GPR158: variants seen among roughly 807,000 people sequenced by gnomAD.
GPR158 encodes G protein-coupled receptor 158.
A neutral mutation model predicts 78.2 loss-of-function variants in GPR158; 30 were observed. The observed-to-expected ratio is 0.38, with a 90% CI of 0.29 to 0.52. The LOEUF (loss-of-function observed/expected upper bound fraction) is 0.52, where lower values mean the gene tolerates loss of function less well. Ranked by LOEUF, GPR158 falls within the 20% of genes least tolerant of loss-of-function variation. The probability of loss-of-function intolerance (pLI) is 0.83; values close to 1 mark genes in which losing one functional copy is unlikely to be tolerated. For synonymous variants in GPR158, 581 were observed against 591.1 expected, an observed-to-expected ratio of 0.98 and a Z score of 0.25; for missense variants, 1,463 against 1,523.5, an observed-to-expected ratio of 0.96 and a Z score of 0.66.
chr10:25,222,639 G>C (rs1853314401), intron 2 of GPR158, among the ~76,000 whole-genome samples: 1 of 152,114 alleles, frequency 6.6e-6, no homozygotes, highest in Admixed American at 6.6e-5. Flanking sequence ...CGCTTGGCTT[G>C]GTGAATATCT....
intron 4 of GPR158, among the ~76,000 whole-genome samples, chr10:25,413,649 T>TA (rs971605188): frequency 1.2e-4 from 18 of 152,080 alleles, no homozygotes; most frequent in Non-Finnish European, 1.3e-4. Context: ...CATTAGAAAT[T>TA]AAAAAAAATA....
At chr10:25,254,476 G>C (rs140269471) in intron 2 of GPR158, among the ~76,000 whole-genome samples, 3 of 152,192 alleles carry the variant, frequency 2.0e-5, no homozygotes, top group African/African-American at 7.2e-5. Flanking sequence ...AAAAGGAGTA[G>C]ACAAAAATTT....
chr10:25,394,104 A>G (rs372489071), intron 2 of GPR158, among the ~76,000 whole-genome samples: 1 of 152,238 alleles, frequency 6.6e-6, no homozygotes, highest in East Asian at 1.9e-4. Context: ...CAGATCAGTT[A>G]AATGACAACT....
In GPR158 at chr10:25,208,558, TTGTGTGTGTGTG is replaced by T. The variant is rs71399956; in HGVS notation, c.903-12458_903-12447del. 8.0e-3 allele frequency among the ~76,000 whole-genome samples: 1,085 copies of T among 135,244 alleles called. 8 individuals carry two copies. The highest frequency in any genetic ancestry group is 0.026 in the African/African-American group (940 of 36,638). 88.7% of individuals were successfully genotyped at this position (135,244 alleles called of 152,430 possible). A position where few individuals can be genotyped will look rare whatever the true frequency, so the allele number is the denominator to read the frequency against. ...TGAGATTCTTTGGTCCTATGTGAAT[TTGTGTGTGTGTG>T]TGTGTGTGTGTGTGTGTGTGTGTGT... On this transcript the variant is annotated intron_variant, in intron 1 of 10. Coordinates refer to ENST00000376351, the MANE Select transcript of GPR158 (RefSeq NM_020752.3).
At chr10:25,297,809 C>G (rs1854537761) in intron 2 of GPR158, among the ~76,000 whole-genome samples, 1 of 152,282 alleles carries the variant, frequency 6.6e-6, no homozygotes, top group East Asian at 1.9e-4. Context: ...GTTTTGAAAT[C>G]ACTTTAGATG....
chr10:25,516,934 G>A (rs1588895027), intron 5 of GPR158, among the ~76,000 whole-genome samples: 2 of 146,180 alleles, frequency 1.4e-5, no homozygotes, highest in Non-Finnish European at 3.0e-5. Context: ...TGATGGGGAT[G>A]GCATTGAATC....
At chr10:25,483,876 C>T (rs1835697025) in intron 5 of GPR158, among the ~76,000 whole-genome samples, 5 of 152,148 alleles carry the variant, frequency 3.3e-5, no homozygotes, top group African/African-American at 7.2e-5. Flanking sequence ...ACGTCTGCTG[C>T]ATCTATTTCC....
At chr10:25,258,159 G>T (rs1286078447) in intron 2 of GPR158, among the ~76,000 whole-genome samples, 2 of 152,138 alleles carry the variant, frequency 1.3e-5, no homozygotes, top group African/African-American at 4.8e-5. Context: ...AACATGAAAG[G>T]CATCAAGCAC....
At chr10:25,421,332 T>C (rs1377922611) in intron 4 of GPR158, among the ~76,000 whole-genome samples, 6 of 152,162 alleles carry the variant, frequency 3.9e-5, no homozygotes, top group Admixed American at 2.0e-4. Flanking sequence ...ACTTAGCAAT[T>C]GATGTTCCTC....
chr10:25,571,120 C>T (rs774668006), intron 6 of GPR158, among the ~76,000 whole-genome samples: 16 of 139,504 alleles, frequency 1.1e-4, no homozygotes, highest in Admixed American at 2.7e-4. Context: ...CCAGTGTTAG[C>T]GTTCACTATG....
At chr10:25,389,987 A>G (rs911239288) in intron 2 of GPR158, among the ~76,000 whole-genome samples, 2 of 152,090 alleles carry the variant, frequency 1.3e-5, no homozygotes, top group Non-Finnish European at 2.9e-5. Context: ...CATGATAGTG[A>G]ATAAGTGTCA....
At position 25,550,050 on chromosome 10, in the gene GPR158, T is replaced by G. The variant is rs1262527106; in HGVS notation, c.1405-926T>G. ...TTCTTAGGCAGGGTCAAACCAATTC[T>G]TATTCTACAAGGACTCACTCAAAAC... On this transcript the variant is annotated intron_variant, in intron 5 of 10. Coordinates refer to ENST00000376351, the MANE Select transcript of GPR158 (RefSeq NM_020752.3). 2.6e-5 allele frequency among the ~76,000 whole-genome samples: 4 copies of G among 152,172 alleles called. No individual in the cohort carries two copies. In the East Asian group the frequency reaches 7.7e-4, roughly 29 times the overall value.
chr10:25,380,544 T>G (rs975441549), intron 2 of GPR158, among the ~76,000 whole-genome samples: 2 of 152,186 alleles, frequency 1.3e-5, no homozygotes, highest in African/African-American at 4.8e-5. Flanking sequence ...TAAACACACA[T>G]TTTGAATGTT....
chr10:25,536,092 C>G (rs565512273), intron 5 of GPR158, among the ~76,000 whole-genome samples: 1 of 152,236 alleles, frequency 6.6e-6, no homozygotes, highest in Non-Finnish European at 1.5e-5. Context: ...CAATTAACAC[C>G]AAATTCCTTG....
At chr10:25,233,391 T>C (rs1011270123) in intron 2 of GPR158, among the ~76,000 whole-genome samples, 2 of 152,166 alleles carry the variant, frequency 1.3e-5, no homozygotes, top group African/African-American at 2.4e-5. Context: ...TCTTTTTTTT[T>C]CCCTGCTGGT....
At chr10:25,308,068 C>A (rs150034578) in intron 2 of GPR158, among the ~76,000 whole-genome samples, 165 of 152,232 alleles carry the variant, frequency 1.1e-3, no homozygotes, top group Middle Eastern at 3.4e-3. Context: ...TTTAATTTAG[C>A]CAATATGTTA....
intron 5 of GPR158, among the ~76,000 whole-genome samples, chr10:25,537,308 C>A (rs1836513716): frequency 6.6e-6 from 1 of 152,056 alleles, no homozygotes; most frequent in African/African-American, 2.4e-5. Flanking sequence ...AATATGATAC[C>A]TAATAAGATT....
intron 3 of GPR158, among the ~76,000 whole-genome samples, chr10:25,410,353 C>T (rs1588849753): frequency 2.0e-5 from 3 of 152,170 alleles, no homozygotes; most frequent in African/African-American, 7.2e-5. Context: ...TGCGGTGGCT[C>T]ACACCTGTAA....
At chr10:25,459,039 T>C (rs1441000708) in intron 4 of GPR158, among the ~76,000 whole-genome samples, 1 of 152,222 alleles carries the variant, frequency 6.6e-6, no homozygotes, top group Non-Finnish European at 1.5e-5. Context: ...CTGGATATAG[T>C]CTATTCTTTT....
Sources: allele counts gnomAD v4.1 joint callset (sites outside exome capture counted in the v4.1 genomes callset), GRCh38; gene constraint gnomAD v4.1.1; transcripts MANE v1.5; gene names NCBI Gene and HGNC (gene_info 2026-07-23, HGNC 2026-07-21).